Variants in HTR3D observed in about 807,000 individuals in gnomAD.
HTR3D encodes the protein 5-hydroxytryptamine receptor 3D, also known as 5-hydroxytryptamine (serotonin) receptor 3 family member D.
A neutral mutation model predicts 45.8 loss-of-function variants in HTR3D; 47 were observed. That is an observed-to-expected ratio of 1.03 (90% CI 0.81 to 1.31). The LOEUF (loss-of-function observed/expected upper bound fraction) is 1.31, where lower values mean the gene tolerates loss of function less well. Among genes scored for constraint, HTR3D ranks in the 50% most tolerant of loss-of-function variants. The probability of loss-of-function intolerance (pLI) is 0.00; values close to 1 mark genes in which losing one functional copy is unlikely to be tolerated. For synonymous variants in HTR3D, 203 were observed against 199.8 expected (o/e 1.02, Z -0.13); for missense variants, 448 against 506.9 (o/e 0.88, Z 1.12).
intron 1 of HTR3D, chr3:184,033,079 T>A: frequency 6.5e-7 from 1 of 1,530,440 alleles, no homozygotes; most frequent in Non-Finnish European, 8.9e-7. Flanking sequence ...TCACCCAACA[T>A]TGCAGTGGTC....
intron 1 of HTR3D, chr3:184,032,705 G>A (rs1722782670): frequency 1.4e-6 from 1 of 710,588 alleles, no homozygotes; most frequent in Non-Finnish European, 2.4e-6. Context: ...CAATGGCACT[G>A]AGGATGGATC....
At chr3:184,035,364 A>G (rs1168286385) in intron 2 of HTR3D, 142 bp downstream of exon 2, 5 of 806,330 alleles carry the variant, frequency 6.2e-6, no homozygotes, top group Non-Finnish European at 1.0e-5. Flanking sequence ...TAATGAAAAT[A>G]CAAAACTTTC....
At chr3:184,034,340 G>A (rs897267416) in intron 1 of HTR3D, among the ~76,000 whole-genome samples, 1 of 152,178 alleles carries the variant, frequency 6.6e-6, no homozygotes, top group African/African-American at 2.4e-5. Context: ...AGTGAAATAA[G>A]TCAGTCACAA....
rs551196272 is a variant in HTR3D, at chr3:184,037,818, G to A, written c.517-203G>A. Among the ~76,000 whole-genome samples the A allele has an allele frequency of 7.9e-5, 12 of 152,354 alleles. 1 individual carries two copies. In the South Asian group the frequency reaches 2.3e-3, roughly 29 times the overall value. On this transcript the variant is annotated intron_variant, in intron 5 of 7. Transcript: ENST00000428798. The stretch of plus-strand genomic sequence containing the variant: ...TGACACCTTGGGCCAAAAGGAATGA[G>A]ATACATTTCAGAGGTAAGCAGCATG...
Position 184,036,878 on chromosome 3 carries a change from T to C in HTR3D, c.498T>C (p.Tyr166=). ...AGGTGACCGTGGCCACTAACCAGTA[T>C]GAACAAGCCATCTTCCATGTGAGCT... ...TIKVTVATNQ[Y]EQAIFHVAIR... is the part of the protein sequence containing the mutation. Residue 166 remains tyrosine, a synonymous_variant, in exon 5 of 8, where the codon TAT becomes TAC. Transcript: ENST00000428798. 6.4e-7 allele frequency: 1 copy of C among 1,551,542 alleles called. No homozygotes were observed. The highest frequency in any genetic ancestry group is 8.7e-7 in the Non-Finnish European group (1 of 1,146,894).
chr3:184,032,070 T>C (rs892459445), intron 1 of HTR3D, among the ~76,000 whole-genome samples: 1 of 148,402 alleles, frequency 6.7e-6, no homozygotes, highest in Non-Finnish European at 1.5e-5. Context: ...TCTCAGCCCA[T>C]TGCAACCTTC....
At chr3:184,031,640 T>A, upstream of HTR3D, 1 of 752,832 alleles carries the variant, frequency 1.3e-6, no homozygotes. Context: ...TAATGCCAGC[T>A]GATATATATA....
Position 184,038,419 on chromosome 3 carries a change from C to T in HTR3D, c.780C>T (p.Phe260=), listed in dbSNP as rs139778852. The T allele has an allele frequency of 1.8e-4, 283 of 1,614,142 alleles. No individual in the cohort carries two copies. The highest frequency in any genetic ancestry group is 1.5e-4 in the Admixed American group (9 of 60,020). The change falls in exon 7 of 8, where the codon TTC becomes TTT. Residue 260 remains phenylalanine (F), a synonymous_variant. Coordinates refer to ENST00000428798, the MANE Select transcript of HTR3D (RefSeq NM_001145143.1). The surrounding 1 kb of genome is among the most constrained non-coding windows in gnomAD (Gnocchi z 4.5). ...PSRDQKRGVY[F]ALCLSLMVGS... ...CCCCCTTGCCTGCAGGTGTCTACTT[C>T]GCCCTGTGCCTGTCCCTGATGGTGG...
In HTR3D at chr3:184,039,019, AGAG is replaced by A; in HGVS notation, c.*45_*47del. On this transcript the variant is annotated 3_prime_UTR_variant, in exon 8 of 8. Transcript: ENST00000428798. ...ACTTCAGTCTGGACTTCTTTTTGCCAGAGAACTCCAGAAACCAGTCAGGCTCTC... is the reference window on the plus strand; with the variant it reads ...ACTTCAGTCTGGACTTCTTTTTGCCAAACTCCAGAAACCAGTCAGGCTCTC... 1 of 1,598,636 alleles carries A rather than the reference AGAG, an allele frequency of 6.3e-7. No individual in the cohort carries two copies. Among genetic ancestry groups the A allele is most frequent in the Non-Finnish European group, 8.6e-7 (1 of 1,167,592 alleles).
chr3:184,036,827 G>C lies in HTR3D; in HGVS notation c.447G>C (p.Leu149=). The C allele has an allele frequency of 6.4e-7, 1 of 1,551,816 alleles. No homozygotes were observed. Among genetic ancestry groups the C allele is most frequent in the Non-Finnish European group, 8.7e-7 (1 of 1,147,006 alleles). The change falls in exon 5 of 8, where the codon CTG becomes CTC. Residue 149 remains leucine (L), a synonymous_variant. Transcript: ENST00000428798. ...TCAGAACAAGGAGGGAGTGGGTACT[G>C]CTGGGTATCCAAAAAAGAACAATAA... The part of the protein sequence containing the change: ...TSFRTRREWV[L]LGIQKRTIKV...
intron 1 of HTR3D, 45 bp downstream of exon 1, chr3:184,031,852 G>T (rs1360868237): frequency 3.5e-5 from 47 of 1,353,864 alleles, no homozygotes; most frequent in Non-Finnish European, 4.5e-5. Flanking sequence ...TGTAACTCCT[G>T]GGAAGCAGAG....
At chr3:184,033,118 G>GTT in intron 1 of HTR3D, 3 of 1,150,050 alleles carry the variant, frequency 2.6e-6, no homozygotes, top group African/African-American at 1.7e-5. Flanking sequence ...CCTCTGACTG[G>GTT]ATTTTTTTTT....
At position 184,036,515 on chromosome 3, in the gene HTR3D, C is replaced by G. The variant is rs1204081652; in HGVS notation, c.338C>G (p.Ser113Cys). 4.3e-6 allele frequency: 7 copies of G among 1,614,098 alleles called. No homozygotes were observed. Among genetic ancestry groups the G allele is most frequent in the Non-Finnish European group, 5.9e-6 (7 of 1,180,054 alleles). Residue 113 changes from serine to cysteine, a missense_variant, in exon 4 of 8, where the codon TCT becomes TGT. Ser to Cys is a moderately radical substitution (Grantham distance 112, BLOSUM62 -1). Coordinates refer to ENST00000428798, the MANE Select transcript of HTR3D (RefSeq NM_001145143.1). ...CCTTCCATGGACAGAGGTGAACGCT[C>G]TCCTTCAGCCCTTTCACCTACACAG... The part of the protein sequence containing the change: ...ISPSMDRGER[S>C]PSALSPTQVT...
At chr3:184,031,981 A>C (rs773944805) in intron 1 of HTR3D, among the ~76,000 whole-genome samples, 174 bp downstream of exon 1, 2 of 148,962 alleles carry the variant, frequency 1.3e-5, no homozygotes, top group African/African-American at 2.5e-5. Context: ...ATATTTAGTT[A>C]ACTCTTTTCT....
chr3:184,035,639 C>G (rs1458344342), intron 2 of HTR3D, among the ~76,000 whole-genome samples: 1 of 152,026 alleles, frequency 6.6e-6, no homozygotes, highest in Non-Finnish European at 1.5e-5. Context: ...CTAGTTCCTT[C>G]CCCCTGTTTC....
rs1420677369 is a variant in HTR3D at position 184,031,808 on chromosome 3, G to A, written c.66+1G>A. The A allele has an allele frequency of 1.9e-6, 3 of 1,550,170 alleles. No homozygotes were observed. The highest frequency in any genetic ancestry group is 2.4e-5 in the East Asian group (1 of 40,880). On this transcript the variant is annotated splice_donor_variant, in intron 1 of 7. Transcript: ENST00000428798. LOFTEE classifies it high-confidence loss of function. ...CTTCATCCTCCACCTGCTGCTGCAA[G>A]TACCTTAAGATAAGAGCAAGAGCTG...
intron 1 of HTR3D, among the ~76,000 whole-genome samples, 166 bp downstream of exon 1, chr3:184,031,973 A>G (rs1309543712): frequency 1.4e-5 from 2 of 145,960 alleles, no homozygotes; most frequent in Non-Finnish European, 3.0e-5. Flanking sequence ...GGATCCTAAT[A>G]TTTAGTTAAC....
intron 5 of HTR3D, 67 bp from the exon 6 acceptor site, chr3:184,037,954 T>G: frequency 1.9e-6 from 3 of 1,571,354 alleles, no homozygotes; most frequent in Non-Finnish European, 2.6e-6. Context: ...TCCCAGTTCT[T>G]ACTCTTACCT....
chr3:184,038,395 C>T lies in HTR3D; in HGVS notation c.770-14C>T, dbSNP rs562400827. On this transcript the variant is annotated splice_polypyrimidine_tract_variant and intron_variant, in intron 6 of 7. Coordinates refer to ENST00000428798, the MANE Select transcript of HTR3D (RefSeq NM_001145143.1). This position sits in a 1 kb window ranked among gnomAD's most constrained non-coding sequence, Gnocchi z 4.5. ...TGGCGCCTCTGGCCCTCATGCAGAC[C>T]CCCTTGCCTGCAGGTGTCTACTTCG... 6.2e-7 allele frequency: 1 copy of T among 1,614,074 alleles called. No individual in the cohort carries two copies. Among genetic ancestry groups the T allele is most frequent in the Admixed American group, 1.7e-5 (1 of 60,010 alleles).
Sources: gnomAD v4.1 joint callset for allele counts (sites outside exome capture counted in the v4.1 genomes callset) on GRCh38, gnomAD v4.1.1 for gene constraint, Gnocchi (gnomAD v3.1) non-coding constraint, MANE v1.5 for transcripts, NCBI Gene and HGNC (gene_info 2026-07-23, HGNC 2026-07-21) for gene names.